PCDHA12: variants seen among roughly 807,000 people sequenced by gnomAD.
The protein encoded by PCDHA12 is protocadherin alpha-12.
A neutral mutation model predicts 60.0 loss-of-function variants in PCDHA12; 44 were observed. That is an observed-to-expected ratio of 0.73 (90% confidence interval 0.58 to 0.94). The LOEUF is 0.94. Among genes scored for constraint, PCDHA12 ranks in the 40% least tolerant of loss-of-function variants. The probability of loss-of-function intolerance (pLI) is 0.00; values close to 1 mark genes in which losing one functional copy is unlikely to be tolerated. For synonymous variants in PCDHA12, 569 were observed against 553.0 expected, an observed-to-expected ratio of 1.03 and a Z score of -0.40; for missense variants, 1,276 against 1,239.7, an observed-to-expected ratio of 1.03 and a Z score of -0.44.
At chr5:140,974,652 C>T (rs1238427822) in intron 1 of PCDHA12, among the ~76,000 whole-genome samples, 2 of 152,078 alleles carry the variant, frequency 1.3e-5, no homozygotes, top group East Asian at 1.9e-4. Context: ...GCTGAGATTA[C>T]AGGCATGCGC....
At chr5:140,926,296 G>A in intron 1 of PCDHA12, 1 of 152,316 alleles carries the variant, frequency 6.6e-6, no homozygotes, top group Non-Finnish European at 1.5e-5. Context: ...GCTGAGTCCC[G>A]CCCTCTCCGC....
chr5:141,006,448 C>T lies in PCDHA12; in HGVS notation c.2516-3179C>T, dbSNP rs968765348. ...CAGGATGGTCTCAATCTCCTGACCT[C>T]GAGATCTGCCTGTCTCGGCCTCCCA... On this transcript the variant is annotated intron_variant, in intron 3 of 3. Coordinates refer to ENST00000398631, the MANE Select transcript of PCDHA12 (RefSeq NM_018903.4). Among the ~76,000 whole-genome samples, 4 of 152,122 alleles carry T rather than the reference C, an allele frequency of 2.6e-5. No homozygotes were observed. In the East Asian group the frequency reaches 7.7e-4, roughly 29 times the overall value.
intron 1 of PCDHA12, among the ~76,000 whole-genome samples, chr5:140,879,621 T>G (rs1050176793): frequency 5.9e-5 from 9 of 152,076 alleles, no homozygotes; most frequent in African/African-American, 2.2e-4. Context: ...GGTACTTAGG[T>G]GGGTAAGTGT....
chr5:140,997,606 A>G (rs1554255929), intron 3 of PCDHA12, among the ~76,000 whole-genome samples: 1 of 152,090 alleles, frequency 6.6e-6, no homozygotes, highest in Non-Finnish European at 1.5e-5. Context: ...TATGGGGCGC[A>G]TGACTATATA....
chr5:140,979,592 T>C (rs1554240865), intron 2 of PCDHA12, among the ~76,000 whole-genome samples: 1 of 152,248 alleles, frequency 6.6e-6, no homozygotes, highest in African/African-American at 2.4e-5. Flanking sequence ...CTAGCTTACT[T>C]TAAATTAACC....
chr5:140,994,272 C>G (rs1400320599), intron 3 of PCDHA12, among the ~76,000 whole-genome samples: 1 of 152,168 alleles, frequency 6.6e-6, no homozygotes, highest in Non-Finnish European at 1.5e-5. Context: ...GCTAGGCTGC[C>G]TTTCTTGAGA....
intron 1 of PCDHA12, among the ~76,000 whole-genome samples, chr5:140,889,342 A>G (rs1418641372): frequency 6.6e-6 from 1 of 152,018 alleles, no homozygotes; most frequent in East Asian, 1.9e-4. Context: ...GATTGGTGGG[A>G]ATATTTCTGA....
chr5:140,933,064 A>G (rs2088836698), intron 1 of PCDHA12, among the ~76,000 whole-genome samples: 1 of 152,030 alleles, frequency 6.6e-6, no homozygotes, highest in African/African-American at 2.4e-5. Context: ...GATCCTGACT[A>G]AAGTATTATG....
intron 3 of PCDHA12, among the ~76,000 whole-genome samples, chr5:141,008,824 T>C (rs1042258496): frequency 6.6e-6 from 1 of 152,186 alleles, no homozygotes; most frequent in African/African-American, 2.4e-5. Flanking sequence ...TACAACAGGA[T>C]TCCATCCTCT....
chr5:140,925,612 G>A (rs895763627), intron 1 of PCDHA12, among the ~76,000 whole-genome samples: 2 of 150,356 alleles, frequency 1.3e-5, no homozygotes, highest in Non-Finnish European at 3.0e-5. Flanking sequence ...AAACCTGCAC[G>A]TTGTGCACAT....
intron 1 of PCDHA12, among the ~76,000 whole-genome samples, chr5:140,962,168 C>A (rs1207333516): frequency 1.3e-5 from 2 of 152,152 alleles, no homozygotes; most frequent in African/African-American, 4.8e-5. Flanking sequence ...AGCCACCACA[C>A]CCGGCCACTT....
chr5:140,961,192 A>G (rs1322057564), intron 1 of PCDHA12, among the ~76,000 whole-genome samples: 1 of 152,170 alleles, frequency 6.6e-6, no homozygotes, highest in African/African-American at 2.4e-5. Flanking sequence ...ACAGGACCCT[A>G]GTGAGGTTGG....
chr5:140,898,392 T>G (rs1464159946), intron 1 of PCDHA12, among the ~76,000 whole-genome samples: 3 of 152,224 alleles, frequency 2.0e-5, no homozygotes, highest in African/African-American at 7.2e-5. Flanking sequence ...GGATCCAGTT[T>G]CAGCTTTCTA....
intron 1 of PCDHA12, among the ~76,000 whole-genome samples, chr5:140,912,566 T>G (rs1562988008): frequency 2.0e-5 from 3 of 152,178 alleles, no homozygotes; most frequent in Admixed American, 1.3e-4. Context: ...CAGTTTTAAC[T>G]TCCTCTTTTC....
intron 1 of PCDHA12, chr5:140,930,195 G>A (rs1427541259): frequency 6.6e-6 from 1 of 152,140 alleles, no homozygotes; most frequent in East Asian, 1.9e-4. Context: ...TAATTTTTAT[G>A]TCAGAAATAT....
chr5:141,005,737 G>A (rs568489145), intron 3 of PCDHA12, among the ~76,000 whole-genome samples: 173 of 143,620 alleles, frequency 1.2e-3, no homozygotes, highest in African/African-American at 4.5e-3. Flanking sequence ...AAAAAGAATG[G>A]ATGAGAAATC....
chr5:140,967,842 A>G (rs1239466478), intron 1 of PCDHA12: 1 of 1,614,042 alleles, frequency 6.2e-7, no homozygotes, highest in Non-Finnish European at 8.5e-7. Flanking sequence ...GTGGACGTGA[A>G]TGACAATGCC....
intron 2 of PCDHA12, among the ~76,000 whole-genome samples, chr5:140,980,093 G>A (rs1223807762): frequency 2.0e-5 from 3 of 152,166 alleles, no homozygotes; most frequent in South Asian, 2.1e-4. Context: ...AGTTGGCTTG[G>A]TAAGATGTCA....
chr5:140,942,157 T>C (rs2093241169), intron 1 of PCDHA12, among the ~76,000 whole-genome samples: 1 of 152,236 alleles, frequency 6.6e-6, no homozygotes, highest in Non-Finnish European at 1.5e-5. Context: ...TAAAACAGCT[T>C]CCATATTTCT....
Sources: gnomAD v4.1 joint callset for allele counts (sites outside exome capture counted in the v4.1 genomes callset) on GRCh38, gnomAD v4.1.1 for gene constraint, MANE v1.5 for transcripts, NCBI Gene and HGNC (gene_info 2026-07-23, HGNC 2026-07-21) for gene names.